Variants in GUCY1A2 observed in about 807,000 individuals in gnomAD.
GUCY1A2 encodes the protein guanylate cyclase 1 soluble subunit alpha 2.
Under a neutral mutation model 63.5 loss-of-function variants are expected in GUCY1A2, and 27 were observed. The ratio of observed to expected loss-of-function variants is 0.43; its 90% CI spans 0.31 to 0.59. The LOEUF is 0.59. GUCY1A2 is among the 20% of genes least tolerant of loss of function. The probability of loss-of-function intolerance (pLI) is 0.11; values close to 1 mark genes in which losing one functional copy is unlikely to be tolerated. For missense variants in GUCY1A2, 768 were observed against 913.3 expected, an observed-to-expected ratio of 0.84 and a Z score of 2.05; for synonymous variants, 364 against 343.5, an observed-to-expected ratio of 1.06 and a Z score of -0.66.
intron 3 of GUCY1A2, among the ~76,000 whole-genome samples, chr11:106,977,047 A>G (rs1861272365): frequency 6.6e-6 from 1 of 152,160 alleles, no homozygotes; most frequent in Non-Finnish European, 1.5e-5. Flanking sequence ...AACACCTCCT[A>G]TTCCCTCTAA....
intron 5 of GUCY1A2, among the ~76,000 whole-genome samples, chr11:106,779,733 T>C (rs1006203551): frequency 6.6e-6 from 1 of 152,236 alleles, no homozygotes; most frequent in African/African-American, 2.4e-5. Flanking sequence ...TAGTTAGTTA[T>C]ATGTTGCATT....
In GUCY1A2 at chr11:106,827,444, T is replaced by C. The variant is rs1858987082; in HGVS notation, c.1207-16966A>G. 7 of 1,443,114 alleles carry C rather than the reference T, an allele frequency of 4.9e-6. No homozygotes were observed. In the South Asian group the frequency reaches 8.0e-5, roughly 16 times the overall value. 89.4% of individuals were successfully genotyped at this position (1,443,114 alleles called of 1,614,324 possible). A position where few individuals can be genotyped will look rare whatever the true frequency, so the allele number is the denominator to read the frequency against. On this transcript the variant is annotated intron_variant, in intron 4 of 7. Transcript: ENST00000526355. ...GCGATACCACCGTTCCCTAAGATCA[T>C]TATTCTTTTAGCTTTAGTAAGCTGT...
Position 106,684,921 on chromosome 11 carries a change from T to A in GUCY1A2, c.*2628A>T, listed in dbSNP as rs570223817. 4.9e-6 allele frequency: 1 copy of A among 205,328 alleles called. No individual in the cohort carries two copies. Among genetic ancestry groups the A allele is most frequent in the South Asian group, 1.9e-4 (1 of 5,298 alleles). The allele number at this position is 205,328 out of a possible 1,614,324, so 12.7% of individuals were successfully genotyped here. A position where few individuals can be genotyped will look rare whatever the true frequency, so the allele number is the denominator to read the frequency against. On this transcript the variant is annotated 3_prime_UTR_variant, in exon 8 of 8. Transcript: ENST00000526355. ...CAATTCCTAAGAGAAGAGATGTAGA[T>A]GGCATTGTGTAGGACAAATAAAAAT...
chr11:106,974,128 C>A (rs1451696332), intron 3 of GUCY1A2, among the ~76,000 whole-genome samples: 1 of 151,940 alleles, frequency 6.6e-6, no homozygotes, highest in African/African-American at 2.4e-5. Context: ...CCCCTTCAAC[C>A]GCCTTAATTC....
At chr11:106,835,287 A>C (rs1859101931) in intron 4 of GUCY1A2, among the ~76,000 whole-genome samples, 1 of 151,936 alleles carries the variant, frequency 6.6e-6, no homozygotes, top group Non-Finnish European at 1.5e-5. Flanking sequence ...AAGTAAAACA[A>C]AACAGCAGAT....
intron 6 of GUCY1A2, among the ~76,000 whole-genome samples, chr11:106,741,811 A>G (rs1388280944): frequency 1.3e-5 from 2 of 152,238 alleles, no homozygotes; most frequent in Non-Finnish European, 1.5e-5. Flanking sequence ...TGAAGATGAT[A>G]GATTTTACCA....
At chr11:106,807,356 T>C (rs1276955668) in intron 5 of GUCY1A2, among the ~76,000 whole-genome samples, 1 of 152,214 alleles carries the variant, frequency 6.6e-6, no homozygotes, top group African/African-American at 2.4e-5. Context: ...CAAATCAGGC[T>C]GGTCAAATAG....
At chr11:106,792,438 T>A (rs539464840) in intron 5 of GUCY1A2, among the ~76,000 whole-genome samples, 1 of 150,702 alleles carries the variant, frequency 6.6e-6, no homozygotes, top group East Asian at 1.9e-4. Context: ...GCATTATCCC[T>A]GGGTTGCAAG....
chr11:106,937,301 G>A (rs1446573105), intron 4 of GUCY1A2, among the ~76,000 whole-genome samples: 3 of 152,162 alleles, frequency 2.0e-5, no homozygotes, highest in Non-Finnish European at 4.4e-5. Flanking sequence ...GGAATTGGCA[G>A]GGGGCCTTGA....
chr11:106,824,905 A>C, intron 4 of GUCY1A2: 1 of 1,612,406 alleles, frequency 6.2e-7, no homozygotes, highest in Non-Finnish European at 8.5e-7. Flanking sequence ...ATGCTTCAGC[A>C]ATCTGGTTCT....
At chr11:106,972,501 C>T (rs1405815474) in intron 3 of GUCY1A2, among the ~76,000 whole-genome samples, 1 of 151,982 alleles carries the variant, frequency 6.6e-6, no homozygotes, top group Non-Finnish European at 1.5e-5. Flanking sequence ...AGGTGCTAGA[C>T]AGAAAGCTGC....
chr11:106,752,196 G>T (rs1863892925), intron 6 of GUCY1A2, among the ~76,000 whole-genome samples: 1 of 151,948 alleles, frequency 6.6e-6, no homozygotes, highest in Non-Finnish European at 1.5e-5. Flanking sequence ...GATAGAATAA[G>T]AAAATAAACA....
At chr11:106,881,909 A>G (rs1262226802) in intron 4 of GUCY1A2, among the ~76,000 whole-genome samples, 2 of 152,158 alleles carry the variant, frequency 1.3e-5, no homozygotes, top group Admixed American at 6.6e-5. Context: ...GCAATGATAC[A>G]AATATTATCG....
chr11:106,935,490 A>G (rs1003093565), intron 4 of GUCY1A2, among the ~76,000 whole-genome samples: 5 of 152,166 alleles, frequency 3.3e-5, no homozygotes, highest in African/African-American at 1.2e-4. Context: ...GGTAAGTCAG[A>G]TTCTCCGCAC....
At chr11:106,870,875 G>C (rs1270189193) in intron 4 of GUCY1A2, among the ~76,000 whole-genome samples, 10 of 152,112 alleles carry the variant, frequency 6.6e-5, no homozygotes, top group African/African-American at 2.4e-4. Flanking sequence ...TAAATTCAGT[G>C]CTATGGAAAA....
intron 5 of GUCY1A2, among the ~76,000 whole-genome samples, chr11:106,782,170 C>A (rs913669830): frequency 2.0e-5 from 3 of 152,108 alleles, no homozygotes; most frequent in Non-Finnish European, 4.4e-5. Flanking sequence ...GTCTGTGCCT[C>A]TTTGAATTTT....
chr11:106,899,880 C>A, intron 4 of GUCY1A2, among the ~76,000 whole-genome samples: 1 of 152,042 alleles, frequency 6.6e-6, no homozygotes, highest in Non-Finnish European at 1.5e-5. Flanking sequence ...GTCAGGAGAT[C>A]GAGACCATCC....
intron 3 of GUCY1A2, among the ~76,000 whole-genome samples, chr11:106,942,807 A>C (rs1217833707): frequency 6.6e-6 from 1 of 152,010 alleles, no homozygotes; most frequent in Non-Finnish European, 1.5e-5. Context: ...ACTAAAAACT[A>C]CTCTATGCGC....
At chr11:106,952,101 C>T (rs1006923387) in intron 3 of GUCY1A2, among the ~76,000 whole-genome samples, 17 of 152,204 alleles carry the variant, frequency 1.1e-4, no homozygotes, top group Admixed American at 3.9e-4. Context: ...GTCTATATGT[C>T]GGTTTTGGTA....
Sources: allele counts gnomAD v4.1 joint callset (sites outside exome capture counted in the v4.1 genomes callset), GRCh38; gene constraint gnomAD v4.1.1; transcripts MANE v1.5; gene names NCBI Gene and HGNC (gene_info 2026-07-23, HGNC 2026-07-21).